Variants in NVL observed in about 807,000 individuals in gnomAD.
The protein encoded by NVL is nuclear VCP like.
Under a neutral mutation model 110.2 loss-of-function variants are expected in NVL, and 84 were observed. The observed-to-expected ratio is 0.76, with a 90% CI of 0.64 to 0.91. NVL has a LOEUF of 0.91. Ranked by LOEUF, NVL falls within the 40% of genes least tolerant of loss-of-function variation. The probability of loss-of-function intolerance (pLI) is 0.00; values close to 1 mark genes in which losing one functional copy is unlikely to be tolerated. For missense variants in NVL, 882 were observed against 1,035.9 expected (o/e 0.85, Z 2.04); for synonymous variants, 354 against 361.1 (o/e 0.98, Z 0.22).
At chr1:224,295,350 G>A (rs776561297) in intron 11 of NVL, among the ~76,000 whole-genome samples, 8 of 151,924 alleles carry the variant, frequency 5.3e-5, no homozygotes, top group African/African-American at 1.7e-4. Flanking sequence ...CCGCCACCAC[G>A]CCCGGCTAAT....
At chr1:224,230,611 TAA>T (rs945708571) in intron 22 of NVL, among the ~76,000 whole-genome samples, 1 of 146,592 alleles carries the variant, frequency 6.8e-6, no homozygotes, top group African/African-American at 2.5e-5. Context: ...CTCAAAAAAA[TAA>T]AAAAAAAATC....
In NVL at chr1:224,287,994, C is replaced by T; in HGVS notation, c.1576-1G>A. 6.2e-7 allele frequency: 1 copy of T among 1,611,116 alleles called. No homozygotes were observed. The highest frequency in any genetic ancestry group is 2.2e-5 in the East Asian group (1 of 44,876). On this transcript the variant is annotated splice_acceptor_variant, in intron 13 of 22. Coordinates refer to ENST00000281701, the MANE Select transcript of NVL (RefSeq NM_002533.4). LOFTEE classifies it high-confidence loss of function. ...ACCCCAGCAGCCTTTGTAATTCATC[C>T]TTGAAGGGAACAATAGAGGGGAAAA...
intron 16 of NVL, among the ~76,000 whole-genome samples, chr1:224,280,186 T>TG (rs1334474707): frequency 1.3e-5 from 2 of 150,850 alleles, no homozygotes; most frequent in African/African-American, 4.9e-5. Flanking sequence ...TTTGTTTTTT[T>TG]TTTTTTTGCT....
chr1:224,288,468 C>T (rs1421073514), intron 13 of NVL, among the ~76,000 whole-genome samples: 1 of 152,064 alleles, frequency 6.6e-6, no homozygotes, highest in Non-Finnish European at 1.5e-5. Flanking sequence ...ACTTAAAAGG[C>T]AGATTTCTTG....
intron 19 of NVL, among the ~76,000 whole-genome samples, chr1:224,249,766 C>T (rs1379650409): frequency 6.6e-6 from 1 of 152,082 alleles, no homozygotes; most frequent in Non-Finnish European, 1.5e-5. Context: ...TAGGGTCTTG[C>T]TCTGTTGCCC....
chr1:224,261,243 A>G (rs1291337157), intron 18 of NVL, among the ~76,000 whole-genome samples: 1 of 150,628 alleles, frequency 6.6e-6, no homozygotes, highest in Non-Finnish European at 1.5e-5. Flanking sequence ...TAGCCTTAAG[A>G]GATCCTCTTG....
chr1:224,232,428 G>C (rs746712499), intron 21 of NVL, among the ~76,000 whole-genome samples: 13 of 152,096 alleles, frequency 8.5e-5, no homozygotes, highest in Non-Finnish European at 1.5e-4. Context: ...TCAGGCTGGA[G>C]TGCAGTGGTG....
chr1:224,268,711 T>TGATC (rs1183673481), intron 17 of NVL, among the ~76,000 whole-genome samples: 6 of 152,110 alleles, frequency 3.9e-5, no homozygotes, highest in East Asian at 3.9e-4. Flanking sequence ...CAGAATGGAG[T>TGATC]ACAATGGTGT....
At chr1:224,281,069 G>A in intron 16 of NVL, 54 bp downstream of exon 16, 2 of 1,448,488 alleles carry the variant, frequency 1.4e-6, no homozygotes, top group South Asian at 2.3e-5. Context: ...CCCGTAATTT[G>A]CATGACCATT....
chr1:224,311,107 G>A (rs986659589), intron 5 of NVL, among the ~76,000 whole-genome samples: 1 of 151,964 alleles, frequency 6.6e-6, no homozygotes, highest in African/African-American at 2.4e-5. Context: ...GCTCAGGCTG[G>A]AGTGCAGTAG....
intron 11 of NVL, among the ~76,000 whole-genome samples, chr1:224,295,429 T>C (rs1296649064): frequency 1.3e-5 from 2 of 152,024 alleles, no homozygotes; most frequent in African/African-American, 2.4e-5. Flanking sequence ...CTCGATCTCC[T>C]GACCTCCTGA....
chr1:224,227,469 TCTTCAG>T lies in NVL; in HGVS notation c.*151_*156del, dbSNP rs527346626. The T allele has an allele frequency of 1.0e-3, 500 of 486,366 alleles. 1 individual carries two copies. Among genetic ancestry groups the T allele is most frequent in the African/African-American group, 8.0e-3 (405 of 50,352 alleles). 30.1% of individuals were successfully genotyped at this position (486,366 alleles called of 1,614,324 possible). ...CACAAGGCTGGCCAGATGGGAAGAA[TCTTCAG>T]CTTCAGCTTCAGCTTGGCCTCATTC... On this transcript the variant is annotated 3_prime_UTR_variant, in exon 23 of 23. Transcript: ENST00000281701.
intron 19 of NVL, among the ~76,000 whole-genome samples, chr1:224,242,521 T>C (rs1445047732): frequency 7.6e-6 from 1 of 130,838 alleles, no homozygotes; most frequent in African/African-American, 2.9e-5. Flanking sequence ...GGAGTCTCAC[T>C]CTATGCCCAG....
rs146313393 is a variant in NVL, at chr1:224,282,722, A to G, written c.1900-1537T>C. ...GCAACACCACTTGGATTGCACAAGC[A>G]TTTCAAATCTACCACTTCTAAAACT... On this transcript the variant is annotated intron_variant, in intron 15 of 22. Transcript: ENST00000281701. 9.4e-3 allele frequency among the ~76,000 whole-genome samples: 1,435 copies of G among 152,298 alleles called. 84 individuals are homozygous for G. Among genetic ancestry groups the G allele is most frequent in the Admixed American group, 0.086 (1,322 of 15,290 alleles).
chr1:224,309,902 C>A (rs1222414813), intron 5 of NVL, among the ~76,000 whole-genome samples: 3 of 152,022 alleles, frequency 2.0e-5, no homozygotes, highest in Non-Finnish European at 4.4e-5. Context: ...TGGTGGCGCA[C>A]ACCTTAATCT....
chr1:224,300,466 T>C (rs1218036542), intron 10 of NVL, 96 bp downstream of exon 10: 8 of 719,522 alleles, frequency 1.1e-5, no homozygotes, highest in Non-Finnish European at 1.8e-5. Flanking sequence ...GAATGGCCAG[T>C]GAGTGGGTTA....
intron 19 of NVL, among the ~76,000 whole-genome samples, chr1:224,240,061 ATTTTTTTT>A (rs34586586): frequency 2.2e-5 from 2 of 90,942 alleles, no homozygotes; most frequent in South Asian, 3.9e-4. Flanking sequence ...ACGCTGGGTA[ATTTTTTTT>A]TTTTTTTTTT....
intron 19 of NVL, among the ~76,000 whole-genome samples, chr1:224,246,811 G>A (rs1171642732): frequency 5.3e-5 from 8 of 151,874 alleles, no homozygotes; most frequent in South Asian, 2.1e-4. Flanking sequence ...CGTGGTGGGC[G>A]GATCACTTGA....
chr1:224,300,747 A>T, intron 9 of NVL, 84 bp from the exon 10 acceptor site: 1 of 910,334 alleles, frequency 1.1e-6, no homozygotes, highest in Non-Finnish European at 1.7e-6. Context: ...AAATTTTTTA[A>T]ATAGCTAGTT....
Sources: gnomAD v4.1 joint callset for allele counts (sites outside exome capture counted in the v4.1 genomes callset) on GRCh38, gnomAD v4.1.1 for gene constraint, MANE v1.5 for transcripts, NCBI Gene and HGNC (gene_info 2026-07-23, HGNC 2026-07-21) for gene names.